Variants in ATM observed in about 807,000 individuals in gnomAD.
The protein encoded by ATM is serine-protein kinase ATM.
In ATM, 308 loss-of-function variants were observed where a neutral mutation model predicts 387.0. The ratio of observed to expected loss-of-function variants is 0.80; its 90% CI spans 0.73 to 0.87. The LOEUF (loss-of-function observed/expected upper bound fraction) is 0.87. Among genes scored for constraint, ATM ranks in the 40% least tolerant of loss-of-function variants. The pLI, the probability that ATM is intolerant of heterozygous loss-of-function variation, is 0.00. For missense variants in ATM, 3,312 were observed against 3,560.9 expected, an observed-to-expected ratio of 0.93 and a Z score of 1.78; for synonymous variants, 1,156 against 1,187.3, an observed-to-expected ratio of 0.97 and a Z score of 0.54.
At position 108,338,881 on chromosome 11, in the gene ATM, G is replaced by T. The variant is rs138274989; in HGVS notation, c.8268+2920G>T. ...TCTTGCCTTTAGTTAAGGTTCCCTA[G>T]ACTACAGCGAAGTAGTCTACCCAGT... On this transcript the variant is annotated intron_variant, in intron 56 of 62. Transcript: ENST00000675843. Among the ~76,000 whole-genome samples, 581 of 152,248 alleles carry T rather than the reference G, an allele frequency of 3.8e-3. 4 individuals are homozygous for T. The highest frequency in any genetic ancestry group is 6.5e-3 in the Non-Finnish European group (444 of 67,996).
At chr11:108,288,031 GTTCTC>G (rs1264695725) in intron 27 of ATM, among the ~76,000 whole-genome samples, 2 of 150,730 alleles carry the variant, frequency 1.3e-5, no homozygotes, top group African/African-American at 4.9e-5. Flanking sequence ...ATTATTCCTA[GTTCTC>G]TTCTCTTTAT....
Position 108,294,106 on chromosome 11 carries a change from C to A in ATM, c.4776+629C>A, listed in dbSNP as rs1256678826. Among the ~76,000 whole-genome samples, 3 of 151,688 alleles carry A rather than the reference C, an allele frequency of 2.0e-5. No homozygotes were observed. The East Asian group carries it at 5.8e-4, about 29-fold the overall frequency. On this transcript the variant is annotated intron_variant, in intron 31 of 62. Coordinates refer to ENST00000675843, the MANE Select transcript of ATM (RefSeq NM_000051.4). ...ATGTAAAATAGTTTTGATTTTAACA[C>A]ATAAGATCCTAAGGTCCACTGATAG...
rs1189826741 is a variant in ATM, at chr11:108,282,739, A to G, written c.3606A>G (p.Gly1202=). The change falls in exon 25 of 63, where the codon GGA becomes GGG. Residue 1202 remains glycine (G), a synonymous_variant. Transcript: ENST00000675843. ...TAGAGAAAGTTTCTGAAACTTTTGG[A>G]TATAGACGTTTAGAAGACTTTATGG... ...KVLEKVSETF[G]YRRLEDFMAS... 1.9e-6 allele frequency: 3 copies of G among 1,613,300 alleles called. No homozygotes were observed. Among genetic ancestry groups the G allele is most frequent in the East Asian group, 2.2e-5 (1 of 44,766 alleles).
At chr11:108,345,358 A>G (rs1429853284) in intron 57 of ATM, among the ~76,000 whole-genome samples, 1 of 152,200 alleles carries the variant, frequency 6.6e-6, no homozygotes, top group Non-Finnish European at 1.5e-5. Context: ...GCTGCCATCT[A>G]TGAGGGATTC....
chr11:108,298,199 A>G (rs897149694), intron 33 of ATM, among the ~76,000 whole-genome samples: 1 of 152,186 alleles, frequency 6.6e-6, no homozygotes, highest in African/African-American at 2.4e-5. Flanking sequence ...CACCTGGTTA[A>G]AGTCAGCTTG....
intron 13 of ATM, among the ~76,000 whole-genome samples, chr11:108,254,861 C>T (rs1041133972): frequency 5.9e-5 from 9 of 152,122 alleles, no homozygotes; most frequent in African/African-American, 2.2e-4. Flanking sequence ...GTTGGCCAGG[C>T]TGGTCTTAAA....
At chr11:108,271,592 G>A (rs1304637060) in intron 20 of ATM, among the ~76,000 whole-genome samples, 186 bp downstream of exon 20, 1 of 152,124 alleles carries the variant, frequency 6.6e-6, no homozygotes, top group Non-Finnish European at 1.5e-5. Flanking sequence ...TTTGTTTAAG[G>A]CTTGGCTTTC....
chr11:108,325,328 A>G lies in ATM; in HGVS notation c.6591A>G (p.Gln2197=), dbSNP rs863224296. 2 of 1,608,948 alleles carry G rather than the reference A, an allele frequency of 1.2e-6. No individual in the cohort carries two copies. The highest frequency in any genetic ancestry group is 1.1e-5 in the South Asian group (1 of 90,934). ...ELFSRSVTHR[Q]LSEVYIKWQK... ...CATTCAGATCAGTCACACATAGACA[A>G]CTCTCTGAAGTATATATTAAGTGGC... Residue 2197 remains glutamine (Q), a synonymous_variant, in exon 46 of 63, where the codon CAA becomes CAG. Transcript: ENST00000675843.
intron 18 of ATM, 130 bp from the exon 19 acceptor site, chr11:108,270,934 T>C: frequency 1.3e-6 from 1 of 749,366 alleles, no homozygotes; most frequent in South Asian, 1.5e-5. Flanking sequence ...GACCTTGTGA[T>C]CTGCCTGCTT....
intron 4 of ATM, among the ~76,000 whole-genome samples, chr11:108,234,580 T>C (rs1261521733): frequency 3.9e-5 from 6 of 152,214 alleles, no homozygotes; most frequent in East Asian, 1.9e-4. Context: ...CTCATACCTA[T>C]AGTCTCAGCA....
chr11:108,243,962 CTG>C lies in ATM; in HGVS notation c.510_511del (p.Tyr171LeufsTer13), dbSNP rs1591499665. On this transcript the variant is annotated frameshift_variant, in exon 6 of 63. Transcript: ENST00000675843. LOFTEE classifies it high-confidence loss of function. ...TTTTTTTTTTTTTAAGAATTGTTCT[CTG>C]TGTACTTCAGGCTCTATCTGAAACC... 1 of 1,566,524 alleles carries C rather than the reference CTG, an allele frequency of 6.4e-7. No individual in the cohort carries two copies. Among genetic ancestry groups the C allele is most frequent in the Non-Finnish European group, 8.6e-7 (1 of 1,156,220 alleles).
intron 28 of ATM, among the ~76,000 whole-genome samples, chr11:108,289,329 C>G (rs1459978374): frequency 6.6e-6 from 1 of 152,036 alleles, no homozygotes; most frequent in Non-Finnish European, 1.5e-5. Context: ...GATATATTAG[C>G]TCAGGGAATA....
rs1478830150 is a variant in ATM, at chr11:108,263,436, C to A, written c.2467-3735C>A. On this transcript the variant is annotated intron_variant, in intron 16 of 62. Transcript: ENST00000675843. ...GAAATAAAGATGTTCTTTGAAACCA[C>A]CGAGAACAAAGACACAACATACCAG... Among the ~76,000 whole-genome samples, 26 of 145,540 alleles carry A rather than the reference C, an allele frequency of 1.8e-4. No homozygotes were observed. The South Asian group carries it at 5.3e-3, about 30-fold the overall frequency.
rs762154857 is a variant in ATM at position 108,335,882 on chromosome 11, A to G, written c.8189A>G (p.Gln2730Arg). ...DDLRQDAVMQ[Q>R]VFQMCNTLLQ... ...CTGAGACAAGATGCTGTCATGCAAC[A>G]GGTCTTCCAGATGTGTAATACATTA... Residue 2730 changes from glutamine (Q) to arginine (R), a missense_variant, in exon 56 of 63, where the codon CAG becomes CGG. Around this residue, in one of 4 missense-constraint regions of ATM, gnomAD observed 1,405 missense variants for 1,604.4 expected, o/e 0.88. Transcript: ENST00000675843. 1 of 1,614,084 alleles carries G rather than the reference A, an allele frequency of 6.2e-7. No homozygotes were observed. The highest frequency in any genetic ancestry group is 8.5e-7 in the Non-Finnish European group (1 of 1,179,968).
At chr11:108,334,850 A>T (rs879148945) in intron 54 of ATM, 119 bp from the exon 55 acceptor site, 1 of 1,227,970 alleles carries the variant, frequency 8.1e-7, no homozygotes, top group Non-Finnish European at 1.2e-6. Context: ...GTTCTTAACC[A>T]CTATCACATC....
In ATM at chr11:108,268,525, T is replaced by C. The variant is rs758955717; in HGVS notation, c.2754T>C (p.Phe918=). Residue 918 remains phenylalanine (F), a synonymous_variant, in exon 18 of 63, where the codon TTT becomes TTC. Transcript: ENST00000675843. ...VTTAQTNTVS[F]RAADIRRKLL... ...CTGCTCAGACCAATACTGTGTCCTT[T>C]AGGGCAGCTGATATTCGGAGGAAAT... 1 of 1,614,112 alleles carries C rather than the reference T, an allele frequency of 6.2e-7. No homozygotes were observed. Among genetic ancestry groups the C allele is most frequent in the Non-Finnish European group, 8.5e-7 (1 of 1,179,998 alleles).
rs876658832 is a variant in ATM at position 108,247,035 on chromosome 11, CAT to C, written c.977_978del (p.Ile326ArgfsTer3). The C allele has an allele frequency of 6.2e-7, 1 of 1,613,260 alleles. No individual in the cohort carries two copies. Among genetic ancestry groups the C allele is most frequent in the Non-Finnish European group, 8.5e-7 (1 of 1,179,490 alleles). ...LYDLLVNEISHIGSRGKYSSG... is the reference protein window; with the variant it reads ...LYDLLVNEISXIGSRGKYSSG... ...TGATCTGCTAGTGAATGAGATAAGT[CAT>C]ATAGGAAGTAGAGGAAAGTATTCTT... On this transcript the variant is annotated frameshift_variant, in exon 8 of 63. Coordinates refer to ENST00000675843, the MANE Select transcript of ATM (RefSeq NM_000051.4). LOFTEE classifies it high-confidence loss of function.
rs2135320431 is a variant in ATM at position 108,250,836 on chromosome 11, A to G, written c.1371A>G (p.Arg457=). Reference sequence around the variant, plus strand: ...GGGAACGTACACCATATGTGTTACGATGCCTTACGGAAGTTGCATTGTGTC... The same window carrying G: ...GGGAACGTACACCATATGTGTTACGGTGCCTTACGGAAGTTGCATTGTGTC... ...RHGERTPYVL[R]CLTEVALCQD... The change falls in exon 10 of 63, where the codon CGA becomes CGG. Residue 457 remains arginine (R), a synonymous_variant. Coordinates refer to ENST00000675843, the MANE Select transcript of ATM (RefSeq NM_000051.4). The G allele has an allele frequency of 6.2e-7, 1 of 1,614,168 alleles. No homozygotes were observed. The highest frequency in any genetic ancestry group is 1.1e-5 in the South Asian group (1 of 91,084).
rs747727055 is a variant in ATM at position 108,245,000 on chromosome 11, C to T, written c.875C>T (p.Pro292Leu). The T allele has an allele frequency of 5.0e-6, 8 of 1,610,558 alleles. No homozygotes were observed. The highest frequency in any genetic ancestry group is 4.0e-5 in the African/African-American group (3 of 74,814). The change falls in exon 7 of 63, where the codon CCG becomes CTG. Residue 292 changes from proline to leucine, a missense_variant. Around this residue, in one of 4 missense-constraint regions of ATM, gnomAD observed 1,791 missense variants for 1,804.5 expected, o/e 0.99. Transcript: ENST00000675843. ...CAACTGCAAATTTATATCCATCATCCGAAAGGAGCCAAAACCCAAGAAAAA... is the reference window on the plus strand; with the variant it reads ...CAACTGCAAATTTATATCCATCATCTGAAAGGAGCCAAAACCCAAGAAAAA... ...LFQLQIYIHH[P>L]KGAKTQEKGA... is the part of the protein sequence containing the mutation.
Sources: allele counts gnomAD v4.1 joint callset (sites outside exome capture counted in the v4.1 genomes callset), GRCh38; gene constraint gnomAD v4.1.1; regional missense constraint gnomAD v4.1.1; transcripts MANE v1.5; gene names NCBI Gene and HGNC (gene_info 2026-07-23, HGNC 2026-07-21).